Variants in MGA observed in about 807,000 individuals in gnomAD.
MGA encodes the protein MAX dimerization protein MGA, also known as MAX gene-associated protein.
In MGA, 40 loss-of-function variants were observed where a neutral mutation model predicts 261.1. The observed-to-expected ratio is 0.15, with a 90% CI of 0.12 to 0.20. The LOEUF is 0.20. MGA is among the 10% of genes least tolerant of loss of function. The pLI is 1.00. For missense variants in MGA, 3,397 were observed against 3,630.5 expected, an observed-to-expected ratio of 0.94 and a Z score of 1.65; for synonymous variants, 1,302 against 1,290.6, an observed-to-expected ratio of 1.01 and a Z score of -0.19.
At chr15:41,695,988 C>T in intron 2 of MGA, 87 bp from the exon 3 acceptor site, 6 of 1,012,838 alleles carry the variant, frequency 5.9e-6, no homozygotes, top group South Asian at 3.4e-5. Context: ...TACTTGGATT[C>T]CTAACATCTT....
rs34069193 is a variant in MGA at position 41,762,461 on chromosome 15, G to GTTTTTTTTTTTTTTTTTTTTTTTTTTT, written c.7744+103_7744+129dup. The GTTTTTTTTTTTTTTTTTTTTTTTTTTT allele has an allele frequency of 6.5e-5, 9 of 138,446 alleles. 1 individual carries two copies. Among genetic ancestry groups the GTTTTTTTTTTTTTTTTTTTTTTTTTTT allele is most frequent in the Non-Finnish European group, 1.0e-4 (8 of 77,720 alleles). 8.6% of individuals were successfully genotyped at this position (138,446 alleles called of 1,614,324 possible). ...TTGTCCACATTTTTAGTTTTGTGTG[G>GTTTTTTTTTTTTTTTTTTTTTTTTTTT]TTTTTTTTTTTTTTTTTTTTTTTTT... On this transcript the variant is annotated intron_variant, in intron 22 of 23. Transcript: ENST00000219905.
intron 1 of MGA, among the ~76,000 whole-genome samples, chr15:41,633,046 G>A (rs987172057): frequency 6.6e-6 from 1 of 151,800 alleles, no homozygotes; most frequent in Admixed American, 6.6e-5. Context: ...CTGCCTCCCG[G>A]GTTCAAGCGA....
Position 41,762,461 on chromosome 15 carries a change from G to GTTTTTTTTTTTGTTTT in MGA, c.7744+110_7744+111insGTTTTTTTTTTTTTTT, listed in dbSNP as rs2063525666. The GTTTTTTTTTTTGTTTT allele has an allele frequency of 1.6e-5, 2 of 125,094 alleles. 1 individual carries two copies. The highest frequency in any genetic ancestry group is 1.3e-4 in the African/African-American group (2 of 15,232). 7.7% of individuals were successfully genotyped at this position (125,094 alleles called of 1,614,324 possible). ...TTGTCCACATTTTTAGTTTTGTGTG[G>GTTTTTTTTTTTGTTTT]TTTTTTTTTTTTTTTTTTTTTTTTT... On this transcript the variant is annotated intron_variant, in intron 22 of 23. Coordinates refer to ENST00000219905, the MANE Select transcript of MGA (RefSeq NM_001164273.2).
At chr15:41,651,072 A>G (rs1302364708) in intron 1 of MGA, among the ~76,000 whole-genome samples, 1 of 152,136 alleles carries the variant, frequency 6.6e-6, no homozygotes, top group Non-Finnish European at 1.5e-5. Context: ...GGAGCATGTG[A>G]GATAGAGGGG....
At chr15:41,698,194 G>C (rs1179301587) in intron 3 of MGA, among the ~76,000 whole-genome samples, 1 of 100,574 alleles carries the variant, frequency 9.9e-6, no homozygotes, top group Non-Finnish European at 1.9e-5. Context: ...TTTTTGAGAC[G>C]GAATCTTGCT....
At chr15:41,642,767 C>T (rs1269972746) in intron 1 of MGA, among the ~76,000 whole-genome samples, 1 of 152,092 alleles carries the variant, frequency 6.6e-6, no homozygotes, top group Non-Finnish European at 1.5e-5. Context: ...AGCCACTGTA[C>T]CCGGCCATTT....
At chr15:41,764,819 C>G in intron 22 of MGA, 67 bp from the exon 23 acceptor site, 1 of 1,510,038 alleles carries the variant, frequency 6.6e-7, no homozygotes, top group Non-Finnish European at 9.1e-7. Flanking sequence ...GCTGGGATTA[C>G]AGGCATGAGC....
intron 1 of MGA, among the ~76,000 whole-genome samples, chr15:41,631,958 A>G (rs1189012266): frequency 2.6e-5 from 4 of 152,204 alleles, no homozygotes; most frequent in East Asian, 1.9e-4. Flanking sequence ...TTGTCTTTAC[A>G]TAGGTTTATC....
chr15:41,737,128 T>C (rs543149474), intron 13 of MGA, among the ~76,000 whole-genome samples: 69 of 152,240 alleles, frequency 4.5e-4, no homozygotes, highest in African/African-American at 1.5e-3. Flanking sequence ...AGATAGGCAA[T>C]ATATGTTTAG....
At position 41,710,876 on chromosome 15, in the gene MGA, G is replaced by C; in HGVS notation, c.2611G>C (p.Val871Leu). Reference sequence around the variant, plus strand: ...CAGTTATGTACGAACACTTGATAGTGTACTAAAGAAGCAATCTACTATTTC... The same window carrying C: ...CAGTTATGTACGAACACTTGATAGTCTACTAAAGAAGCAATCTACTATTTC... The change falls in exon 8 of 24, where the codon GTA becomes CTA. Residue 871 changes from valine to leucine, a missense_variant. Around this residue, in one of 9 missense-constraint regions of MGA, gnomAD observed 519 missense variants for 554.1 expected, o/e 0.94. Transcript: ENST00000219905. The C allele has an allele frequency of 6.2e-7, 1 of 1,613,846 alleles. No individual in the cohort carries two copies. Among genetic ancestry groups the C allele is most frequent in the Non-Finnish European group, 8.5e-7 (1 of 1,179,812 alleles).
At chr15:41,687,453 T>G (rs114506556) in intron 2 of MGA, among the ~76,000 whole-genome samples, 2,005 of 152,344 alleles carry the variant, frequency 0.013, 50 homozygotes, top group African/African-American at 0.046. Context: ...GCTTGAGTAG[T>G]TGCAGTAGAG....
intron 15 of MGA, among the ~76,000 whole-genome samples, chr15:41,743,659 T>A (rs1433707846): frequency 6.6e-6 from 1 of 152,176 alleles, no homozygotes; most frequent in Non-Finnish European, 1.5e-5. Context: ...CAAATGCAGA[T>A]GTTCCTTTTG....
rs769250465 is a variant in MGA at position 41,740,200 on chromosome 15, A to G, written c.4582A>G (p.Ile1528Val). The change falls in exon 14 of 24, where the codon ATT becomes GTT. Residue 1528 changes from isoleucine to valine, a missense_variant. This residue lies in a region of MGA where 1,410 missense variants were observed against 1,386.4 expected (regional missense o/e 1.02). Transcript: ENST00000219905. ...GGCGTTTGTCCCAGCAAAACGGCCAATTGGTAAGTTGGGGTGTATGTATGG... is the reference window on the plus strand; with the variant it reads ...GGCGTTTGTCCCAGCAAAACGGCCAGTTGGTAAGTTGGGGTGTATGTATGG... 29 of 1,613,616 alleles carry G rather than the reference A, an allele frequency of 1.8e-5. No individual in the cohort carries two copies. The highest frequency in any genetic ancestry group is 8.8e-5 in the South Asian group (8 of 91,076).
chr15:41,656,337 T>TCTC (rs2057174342), upstream of MGA, among the ~76,000 whole-genome samples: 2 of 100,846 alleles, frequency 2.0e-5, no homozygotes, highest in Non-Finnish European at 4.4e-5. Context: ...TCTCTCCCTC[T>TCTC]CCTCTCTTCT....
At chr15:41,722,229 A>ACAC (rs1334088591) in intron 9 of MGA, among the ~76,000 whole-genome samples, 1 of 145,520 alleles carries the variant, frequency 6.9e-6, no homozygotes, top group African/African-American at 2.6e-5. Context: ...TCCCGGGTTC[A>ACAC]CACCATTCTC....
intron 22 of MGA, 34 bp downstream of exon 22, chr15:41,762,396 G>C: frequency 6.9e-7 from 1 of 1,455,384 alleles, no homozygotes; most frequent in Non-Finnish European, 9.4e-7. Context: ...CCTTAATGTA[G>C]ATATACATCA....
At chr15:41,647,575 TTC>T (rs1442865097) in intron 1 of MGA, among the ~76,000 whole-genome samples, 1 of 152,172 alleles carries the variant, frequency 6.6e-6, no homozygotes, top group Non-Finnish European at 1.5e-5. Flanking sequence ...TCATCTATTT[TTC>T]TCTTATTTCT....
chr15:41,715,508 A>G, intron 9 of MGA, among the ~76,000 whole-genome samples: 1 of 151,886 alleles, frequency 6.6e-6, no homozygotes, highest in Non-Finnish European at 1.5e-5. Context: ...ACTTTTTTGG[A>G]CTTAAAAAAA....
intron 7 of MGA, among the ~76,000 whole-genome samples, chr15:41,710,380 A>AT (rs2060329409): frequency 6.6e-6 from 1 of 151,780 alleles, no homozygotes; most frequent in Admixed American, 6.6e-5. Flanking sequence ...GGTTTTATTT[A>AT]TTTTTTCTTT....
Sources: gnomAD v4.1 joint callset for allele counts (sites outside exome capture counted in the v4.1 genomes callset) on GRCh38, gnomAD v4.1.1 for gene constraint, gnomAD v4.1.1 regional missense constraint, MANE v1.5 for transcripts, NCBI Gene and HGNC (gene_info 2026-07-23, HGNC 2026-07-21) for gene names.